PTGFR: variants seen among roughly 807,000 people sequenced by gnomAD.
PTGFR encodes the protein prostaglandin F receptor, also known as prostaglandin F2-alpha receptor.
In PTGFR, 15 loss-of-function variants were observed where a neutral mutation model predicts 26.2. The ratio of observed to expected loss-of-function variants is 0.57; its 90% CI spans 0.38 to 0.88. PTGFR has a LOEUF of 0.88. PTGFR is among the 40% of genes least tolerant of loss of function. The probability of loss-of-function intolerance (pLI) is 0.00; values close to 1 mark genes in which losing one functional copy is unlikely to be tolerated. For synonymous variants in PTGFR, 165 were observed against 151.1 expected, an observed-to-expected ratio of 1.09 and a Z score of -0.68; for missense variants, 369 against 427.2, an observed-to-expected ratio of 0.86 and a Z score of 1.20.
At chr1:78,528,270 A>G (rs986006680) in intron 2 of PTGFR, among the ~76,000 whole-genome samples, 4 of 138,438 alleles carry the variant, frequency 2.9e-5, no homozygotes, top group Non-Finnish European at 6.1e-5. Flanking sequence ...GTGTAACTCC[A>G]GAGAAGTAAG....
At chr1:78,508,667 G>A (rs1428476415) in intron 2 of PTGFR, among the ~76,000 whole-genome samples, 2 of 152,192 alleles carry the variant, frequency 1.3e-5, no homozygotes, top group Non-Finnish European at 2.9e-5. Flanking sequence ...GGTATATGTG[G>A]TGTTTCTAAC....
chr1:78,504,993 G>A (rs1258928301), intron 2 of PTGFR, among the ~76,000 whole-genome samples: 1 of 151,868 alleles, frequency 6.6e-6, no homozygotes, highest in Non-Finnish European at 1.5e-5. Context: ...TTTTAATATA[G>A]AGTGTTTCTT....
chr1:78,517,014 G>T (rs1450002887), intron 2 of PTGFR, among the ~76,000 whole-genome samples: 1 of 152,146 alleles, frequency 6.6e-6, no homozygotes, highest in African/African-American at 2.4e-5. Flanking sequence ...TTTGCTATGA[G>T]AACACTACTG....
At chr1:78,505,606 T>C (rs1649810320) in intron 2 of PTGFR, among the ~76,000 whole-genome samples, 1 of 152,196 alleles carries the variant, frequency 6.6e-6, no homozygotes, top group Non-Finnish European at 1.5e-5. Context: ...ACTTGGTACA[T>C]TCACAATGTT....
intron 2 of PTGFR, among the ~76,000 whole-genome samples, chr1:78,525,378 A>G (rs552328): frequency 0.38 from 57,395 of 151,670 alleles, 12,424 homozygotes; most frequent in African/African-American, 0.6. Context: ...TAGAACTCAG[A>G]AAAGTACTAT....
intron 2 of PTGFR, among the ~76,000 whole-genome samples, chr1:78,536,030 C>T (rs1355894022): frequency 1.3e-5 from 2 of 152,066 alleles, no homozygotes; most frequent in Non-Finnish European, 2.9e-5. Flanking sequence ...GTTAGCTTAT[C>T]TATAATTTAT....
At chr1:78,525,738 CCCACAGTGAGTCA>C (rs1282208683) in intron 2 of PTGFR, among the ~76,000 whole-genome samples, 1 of 151,986 alleles carries the variant, frequency 6.6e-6, no homozygotes, top group Non-Finnish European at 1.5e-5. Context: ...TATTTAGGGT[CCCACAGTGAGTCA>C]CCACATTAAC....
chr1:78,508,134 T>C (rs1374682325), intron 2 of PTGFR, among the ~76,000 whole-genome samples: 1 of 152,170 alleles, frequency 6.6e-6, no homozygotes, highest in Admixed American at 6.5e-5. Flanking sequence ...TGTTCTATTT[T>C]CTTTTTTTCT....
chr1:78,533,241 A>G (rs945210420), intron 2 of PTGFR, among the ~76,000 whole-genome samples: 1 of 152,178 alleles, frequency 6.6e-6, no homozygotes, highest in Non-Finnish European at 1.5e-5. Context: ...AACTAAATTA[A>G]AATATGTTGA....
rs547192197 is a variant in PTGFR at position 78,512,884 on chromosome 1, G to A, written c.798+19343G>A. On this transcript the variant is annotated intron_variant, in intron 2 of 2. Coordinates refer to ENST00000370757, the MANE Select transcript of PTGFR (RefSeq NM_000959.4). Reference sequence around the variant, plus strand: ...GATATCTGGTTGTTTCAGAGTGTGGGACCTCCCCCTTCTCTCTCCTGCTTT... The same window carrying A: ...GATATCTGGTTGTTTCAGAGTGTGGAACCTCCCCCTTCTCTCTCCTGCTTT... 2.6e-5 allele frequency among the ~76,000 whole-genome samples: 4 copies of A among 151,954 alleles called. No homozygotes were observed. The South Asian group carries it at 8.3e-4, about 32-fold the overall frequency.
In PTGFR at chr1:78,493,218, G is replaced by A. The variant is rs778022964; in HGVS notation, c.475G>A (p.Val159Met). 2 of 1,614,210 alleles carry A rather than the reference G, an allele frequency of 1.2e-6. No individual in the cohort carries two copies. Among genetic ancestry groups the A allele is most frequent in the Non-Finnish European group, 8.5e-7 (1 of 1,180,044 alleles). ...SKHVKMMLSG[V>M]CLFAVFIALL... ...ACATGTGAAAATGATGTTAAGTGGT[G>A]TGTGCTTGTTTGCTGTTTTCATAGC... is the stretch of plus-strand genomic sequence containing the variant. Residue 159 changes from valine to methionine, a missense_variant, in exon 2 of 3, where the codon GTG (valine) becomes ATG (methionine). Coordinates refer to ENST00000370757, the MANE Select transcript of PTGFR (RefSeq NM_000959.4).
chr1:78,519,604 A>G lies in PTGFR; in HGVS notation c.799-16802A>G, dbSNP rs138321153. 3.9e-5 allele frequency among the ~76,000 whole-genome samples: 6 copies of G among 152,238 alleles called. No homozygotes were observed. In the East Asian group the frequency reaches 5.8e-4, roughly 15 times the overall value. ...GTGCACATGTGCTACAGGGGATACAAACATGACTAAAATGCGATACTAACC... is the reference window on the plus strand; with the variant it reads ...GTGCACATGTGCTACAGGGGATACAGACATGACTAAAATGCGATACTAACC... On this transcript the variant is annotated intron_variant, in intron 2 of 2. Coordinates refer to ENST00000370757, the MANE Select transcript of PTGFR (RefSeq NM_000959.4).
chr1:78,509,578 G>A (rs983893100), intron 2 of PTGFR, among the ~76,000 whole-genome samples: 2 of 152,150 alleles, frequency 1.3e-5, no homozygotes, highest in African/African-American at 4.8e-5. Context: ...GTGGTGAAAA[G>A]ATAGTTTCCG....
chr1:78,514,318 G>A (rs1312566007), intron 2 of PTGFR, among the ~76,000 whole-genome samples: 1 of 152,234 alleles, frequency 6.6e-6, no homozygotes, highest in Non-Finnish European at 1.5e-5. Flanking sequence ...CCTTGCATCA[G>A]TGTACTCTGG....
chr1:78,532,427 T>C (rs1650537994), intron 2 of PTGFR: 1 of 123,536 alleles, frequency 8.1e-6, no homozygotes, highest in South Asian at 2.3e-4. Context: ...TGTGTGTATA[T>C]ATGTGTATAT....
chr1:78,508,802 TAAC>T (rs1320168682), intron 2 of PTGFR, among the ~76,000 whole-genome samples: 1 of 152,218 alleles, frequency 6.6e-6, no homozygotes, highest in East Asian at 1.9e-4. Flanking sequence ...GTATAAATTA[TAAC>T]GGCAAGCCTT....
In PTGFR at chr1:78,539,568, G is replaced by A. The variant is rs893654002; in HGVS notation, c.*2881G>A. 1 of 152,438 alleles carries A rather than the reference G, an allele frequency of 6.6e-6. No individual in the cohort carries two copies. Among genetic ancestry groups the A allele is most frequent in the Admixed American group, 6.6e-5 (1 of 15,230 alleles). 9.4% of individuals were successfully genotyped at this position (152,438 alleles called of 1,614,324 possible). Reference sequence around the variant, plus strand: ...CACATTTTAATAGTAGATGAAACATGTTTTTCTTGGTTATGTGAATAAATG... The same window carrying A: ...CACATTTTAATAGTAGATGAAACATATTTTTCTTGGTTATGTGAATAAATG... On this transcript the variant is annotated 3_prime_UTR_variant, in exon 3 of 3. Transcript: ENST00000370757.
At chr1:78,503,379 A>G (rs2100360027) in intron 2 of PTGFR, among the ~76,000 whole-genome samples, 1 of 152,290 alleles carries the variant, frequency 6.6e-6, no homozygotes, top group East Asian at 1.9e-4. Flanking sequence ...AATTCAAGGA[A>G]GTTTTAGAAA....
rs1226780877 is a variant in PTGFR, at chr1:78,538,292, G to T, written c.*1605G>T. 2.0e-5 allele frequency: 3 copies of T among 152,040 alleles called. No homozygotes were observed. The highest frequency in any genetic ancestry group is 6.6e-5 in the Admixed American group (1 of 15,216). 9.4% of individuals were successfully genotyped at this position (152,040 alleles called of 1,614,324 possible). ...AAGAAACTCTCATTCAGGGGCTCCA[G>T]GATCCTTCTCCTTGAGGCTTCTAAA... On this transcript the variant is annotated 3_prime_UTR_variant, in exon 3 of 3. Coordinates refer to ENST00000370757, the MANE Select transcript of PTGFR (RefSeq NM_000959.4).
Sources: allele counts gnomAD v4.1 joint callset (sites outside exome capture counted in the v4.1 genomes callset), GRCh38; gene constraint gnomAD v4.1.1; transcripts MANE v1.5; gene names NCBI Gene and HGNC (gene_info 2026-07-23, HGNC 2026-07-21).